DPP10: variants seen among roughly 807,000 people sequenced by gnomAD.
DPP10 encodes dipeptidyl peptidase like 10, also known as inactive dipeptidyl peptidase 10.
A neutral mutation model predicts 120.9 loss-of-function variants in DPP10; 33 were observed. The ratio of observed to expected loss-of-function variants is 0.27; its 90% CI spans 0.21 to 0.37. The LOEUF (loss-of-function observed/expected upper bound fraction) is 0.37, where lower values mean the gene tolerates loss of function less well. DPP10 is among the 10% of genes least tolerant of loss of function. The pLI is 1.00. For missense variants in DPP10, 816 were observed against 942.8 expected (o/e 0.87, Z 1.76); for synonymous variants, 337 against 326.1 (o/e 1.03, Z -0.36).
intron 1 of DPP10, among the ~76,000 whole-genome samples, chr2:115,022,359 A>T (rs888573944): frequency 6.6e-6 from 1 of 152,158 alleles, no homozygotes; most frequent in Non-Finnish European, 1.5e-5. Flanking sequence ...GCTCTTCTAC[A>T]CACCAACAGC....
In DPP10 at chr2:114,442,651, G is replaced by T; in HGVS notation, c.-128G>T. 9.7e-7 allele frequency: 1 copy of T among 1,028,508 alleles called. No homozygotes were observed. 63.7% of individuals were successfully genotyped at this position (1,028,508 alleles called of 1,614,324 possible). ...GGAAGCAGCAGAAACAGAAGCAGCAGAAGCAACAGCAGTAGCAGCGGCAGC... is the reference window on the plus strand; with the variant it reads ...GGAAGCAGCAGAAACAGAAGCAGCATAAGCAACAGCAGTAGCAGCGGCAGC... On this transcript the variant is annotated 5_prime_UTR_variant, in exon 1 of 26. Coordinates refer to ENST00000410059, the MANE Select transcript of DPP10 (RefSeq NM_020868.6).
intron 3 of DPP10, among the ~76,000 whole-genome samples, chr2:115,384,423 A>G (rs62164387): frequency 4.6e-5 from 5 of 109,850 alleles, no homozygotes; most frequent in South Asian, 3.0e-4. Flanking sequence ...GAAGAAGAAG[A>G]AGAAGGAGAA....
intron 1 of DPP10, among the ~76,000 whole-genome samples, chr2:115,070,787 A>C (rs1276643200): frequency 2.0e-5 from 3 of 152,186 alleles, no homozygotes; most frequent in Admixed American, 6.5e-5. Flanking sequence ...AATTCACAAC[A>C]GTTGACACTC....
At chr2:114,868,007 A>G (rs937093659) in intron 1 of DPP10, among the ~76,000 whole-genome samples, 2 of 152,224 alleles carry the variant, frequency 1.3e-5, no homozygotes, top group Non-Finnish European at 2.9e-5. Flanking sequence ...TTAATTTGCA[A>G]TGAGGTAGAT....
intron 1 of DPP10, among the ~76,000 whole-genome samples, chr2:114,864,587 A>G (rs1255031131): frequency 6.6e-6 from 1 of 152,226 alleles, no homozygotes; most frequent in Non-Finnish European, 1.5e-5. Flanking sequence ...ACTTATTTAC[A>G]GGAAACTTGG....
intron 2 of DPP10, among the ~76,000 whole-genome samples, chr2:115,339,241 G>A (rs182624544): frequency 6.6e-6 from 1 of 152,048 alleles, no homozygotes; most frequent in African/African-American, 2.4e-5. Flanking sequence ...CTAGAGAAAT[G>A]CAAATTAAAC....
At chr2:115,685,858 C>A (rs2090959587) in intron 5 of DPP10, among the ~76,000 whole-genome samples, 2 of 151,926 alleles carry the variant, frequency 1.3e-5, no homozygotes, top group South Asian at 4.1e-4. Flanking sequence ...TTTTTCCTTT[C>A]TTCCAATAAT....
chr2:114,776,167 G>A (rs72830400), intron 1 of DPP10, among the ~76,000 whole-genome samples: 1,738 of 152,316 alleles, frequency 0.011, 15 homozygotes, highest in Middle Eastern at 0.034. Context: ...AAAATTAGCT[G>A]CAGATACATC....
At chr2:115,523,884 A>G (rs2148889978) in intron 4 of DPP10, among the ~76,000 whole-genome samples, 1 of 152,270 alleles carries the variant, frequency 6.6e-6, no homozygotes, top group Admixed American at 6.5e-5. Context: ...TTTCATGGTT[A>G]TTTAAATGGA....
In DPP10 at chr2:114,518,160, C is replaced by T. The variant is rs982407443; in HGVS notation, c.60+75322C>T. On this transcript the variant is annotated intron_variant, in intron 1 of 25. Transcript: ENST00000410059. The stretch of plus-strand genomic sequence containing the variant: ...GTGGCCAATTTCAGTTTACTGCAAC[C>T]TCTGCCTCCCAGGTTCAGGTGATTC... Among the ~76,000 whole-genome samples the T allele has an allele frequency of 4.7e-4, 69 of 146,832 alleles. 2 individuals are homozygous for T. The highest frequency in any genetic ancestry group is 8.9e-5 in the Non-Finnish European group (6 of 67,400).
intron 2 of DPP10, among the ~76,000 whole-genome samples, chr2:115,334,114 C>A (rs1418025600): frequency 1.3e-5 from 2 of 151,426 alleles, no homozygotes; most frequent in Admixed American, 6.6e-5. Flanking sequence ...GCAAGGCAGG[C>A]TAACATTCAA....
intron 5 of DPP10, among the ~76,000 whole-genome samples, chr2:115,665,037 C>G (rs1443931366): frequency 6.6e-6 from 1 of 152,172 alleles, no homozygotes; most frequent in Non-Finnish European, 1.5e-5. Context: ...ATTAAGAGTC[C>G]TGACCTAGCA....
At chr2:115,418,202 G>T (rs2069602714) in intron 3 of DPP10, among the ~76,000 whole-genome samples, 1 of 152,144 alleles carries the variant, frequency 6.6e-6, no homozygotes, top group Non-Finnish European at 1.5e-5. Context: ...TTTTTTGATT[G>T]TCATTGTTTT....
intron 1 of DPP10, among the ~76,000 whole-genome samples, chr2:114,879,096 A>G (rs1292781049): frequency 6.6e-6 from 1 of 152,066 alleles, no homozygotes; most frequent in Non-Finnish European, 1.5e-5. Flanking sequence ...TTGGATTTGA[A>G]AGAAGATTCA....
intron 1 of DPP10, among the ~76,000 whole-genome samples, chr2:114,678,483 G>T (rs1427933628): frequency 6.6e-6 from 1 of 151,930 alleles, no homozygotes. Flanking sequence ...CTAAAGATGA[G>T]TTTACCAAAG....
At chr2:114,637,326 A>T (rs1261341592) in intron 1 of DPP10, among the ~76,000 whole-genome samples, 1 of 151,942 alleles carries the variant, frequency 6.6e-6, no homozygotes, top group Admixed American at 6.6e-5. Context: ...TAGGAGGATC[A>T]TCTGATCTGT....
At chr2:115,217,194 T>A (rs2056883284) in intron 1 of DPP10, among the ~76,000 whole-genome samples, 1 of 152,198 alleles carries the variant, frequency 6.6e-6, no homozygotes, top group Admixed American at 6.5e-5. Context: ...ATCCTACGTC[T>A]GCTAATTACC....
At chr2:115,288,353 G>A (rs918360872) in intron 1 of DPP10, among the ~76,000 whole-genome samples, 1 of 151,806 alleles carries the variant, frequency 6.6e-6, no homozygotes. Context: ...CTGTTCATAT[G>A]ATTATCTCAA....
chr2:114,702,758 C>G (rs2105822864), intron 1 of DPP10, among the ~76,000 whole-genome samples: 1 of 152,210 alleles, frequency 6.6e-6, no homozygotes, highest in African/African-American at 2.4e-5. Context: ...TGGATCCATC[C>G]TGGATTCTGC....
Sources: allele counts gnomAD v4.1 joint callset (sites outside exome capture counted in the v4.1 genomes callset), GRCh38; gene constraint gnomAD v4.1.1; transcripts MANE v1.5; gene names NCBI Gene and HGNC (gene_info 2026-07-23, HGNC 2026-07-21).